The following ARHGEF4 variants were observed in gnomAD, a reference collection of about 807,000 sequenced individuals.
ARHGEF4 encodes APC-stimulated guanine nucleotide exchange factor 1.
ARHGEF4 carries 119 observed loss-of-function variants against 162.0 expected under a neutral mutation model. The observed-to-expected ratio is 0.73, with a 90% CI of 0.63 to 0.86. ARHGEF4 has a LOEUF of 0.86. Ranked by LOEUF, ARHGEF4 falls within the 40% of genes least tolerant of loss-of-function variation. The probability of loss-of-function intolerance (pLI) is 0.00; values close to 1 mark genes in which losing one functional copy is unlikely to be tolerated. For missense variants in ARHGEF4, 2,488 were observed against 2,456.0 expected (o/e 1.01, Z -0.28); for synonymous variants, 1,014 against 979.9 (o/e 1.03, Z -0.65).
At chr2:131,033,583 G>A (rs1690017204) in intron 5 of ARHGEF4, among the ~76,000 whole-genome samples, 1 of 152,190 alleles carries the variant, frequency 6.6e-6, no homozygotes, top group South Asian at 2.1e-4. Flanking sequence ...CACGTCAGGG[G>A]TTCGAAGCCA....
chr2:130,837,077 G>T (rs1680244784), intron 1 of ARHGEF4, 85 bp downstream of exon 1: 1 of 1,192,002 alleles, frequency 8.4e-7, no homozygotes, highest in Non-Finnish European at 1.0e-6. Context: ...TGGCTGCTGC[G>T]CCCCGGGCCG....
chr2:131,017,611 C>G (rs1688850963), intron 4 of ARHGEF4, among the ~76,000 whole-genome samples: 1 of 152,140 alleles, frequency 6.6e-6, no homozygotes, highest in African/African-American at 2.4e-5. Context: ...CTGTTTTATT[C>G]CCCTCGAGAG....
intron 2 of ARHGEF4, among the ~76,000 whole-genome samples, chr2:130,926,810 A>ATGTTTTTTT (rs1682319175): frequency 4.1e-5 from 2 of 48,948 alleles, no homozygotes; most frequent in Non-Finnish European, 7.3e-5. Context: ...CTTCTGGCTG[A>ATGTTTTTTT]TTTTTTTTTT....
At chr2:131,032,852 T>TTTC (rs1689953045) in intron 5 of ARHGEF4, among the ~76,000 whole-genome samples, 1 of 135,840 alleles carries the variant, frequency 7.4e-6, no homozygotes, top group African/African-American at 2.9e-5. Context: ...TTTTTTCTTT[T>TTTC]TTTTTTTTTT....
chr2:130,915,763 AG>A lies in ARHGEF4; in HGVS notation c.1821del (p.Pro608LeufsTer27), dbSNP rs765942248. Reference sequence around the variant, plus strand: ...GGCCCCGGGGCTGAGGAGGGTGAACAGGGGCCTGGGGGTGCCGGGGGCCGGC... The same window carrying A: ...GGCCCCGGGGCTGAGGAGGGTGAACAGGGCCTGGGGGTGCCGGGGGCCGGC... ...HCGPGAEEGE[Q>X]GPGGAGGRQL... On this transcript the variant is annotated frameshift_variant, in exon 2 of 14. Transcript: ENST00000409359. LOFTEE classifies it high-confidence loss of function. The A allele has an allele frequency of 6.5e-7, 1 of 1,537,834 alleles. No homozygotes were observed. The highest frequency in any genetic ancestry group is 1.2e-5 in the South Asian group (1 of 82,270).
chr2:130,994,504 T>C (rs867096983), intron 4 of ARHGEF4, among the ~76,000 whole-genome samples: 28 of 152,338 alleles, frequency 1.8e-4, no homozygotes, highest in Middle Eastern at 6.8e-3. Flanking sequence ...TCCTGACTTA[T>C]AGGCCATTGT....
intron 4 of ARHGEF4, among the ~76,000 whole-genome samples, chr2:131,019,260 A>G (rs1265984292): frequency 6.6e-6 from 1 of 151,960 alleles, no homozygotes; most frequent in Non-Finnish European, 1.5e-5. Flanking sequence ...TAAAAATACA[A>G]GATTATCTCG....
chr2:130,988,901 T>TAGAG lies in ARHGEF4; in HGVS notation c.3986-39012_3986-39009dup, dbSNP rs368452142. Among the ~76,000 whole-genome samples, 489 of 113,302 alleles carry TAGAG rather than the reference T, an allele frequency of 4.3e-3. 1 individual carries two copies. The highest frequency in any genetic ancestry group is 9.5e-3 in the African/African-American group (259 of 27,212). 74.3% of individuals were successfully genotyped at this position (113,302 alleles called of 152,430 possible). ...ATATATATATATATATATATATATA[T>TAGAG]AGAGAGAGAGAGAGAGAGAGAGAGA... On this transcript the variant is annotated intron_variant, in intron 4 of 13. Transcript: ENST00000409359.
chr2:130,902,332 A>G (rs192929991), intron 1 of ARHGEF4, among the ~76,000 whole-genome samples: 3 of 152,144 alleles, frequency 2.0e-5, no homozygotes, highest in African/African-American at 7.2e-5. Flanking sequence ...GTAAAAAGAA[A>G]GCCCAAAGCT....
At chr2:130,996,738 T>C (rs143838957) in intron 4 of ARHGEF4, among the ~76,000 whole-genome samples, 178 of 152,310 alleles carry the variant, frequency 1.2e-3, no homozygotes, top group Non-Finnish European at 2.0e-3. Flanking sequence ...TTTCAGAGTG[T>C]GCGCACCAGT....
intron 4 of ARHGEF4, among the ~76,000 whole-genome samples, chr2:130,955,937 A>G (rs1684242611): frequency 6.6e-6 from 1 of 152,146 alleles, no homozygotes; most frequent in Non-Finnish European, 1.5e-5. Flanking sequence ...TTACAAACTG[A>G]GCCCAGTTCC....
Position 131,019,885 on chromosome 2 carries a change from C to T in ARHGEF4, c.3986-8060C>T, listed in dbSNP as rs369476410. Among the ~76,000 whole-genome samples, 57 of 152,242 alleles carry T rather than the reference C, an allele frequency of 3.7e-4. No individual in the cohort carries two copies. In the East Asian group the frequency reaches 5.6e-3, roughly 15 times the overall value. ...TCCTGACCTCGTGATCCGCCCGCCT[C>T]GGCCTCCCAAAGTGCTGGGATTACA... On this transcript the variant is annotated intron_variant, in intron 4 of 13. Coordinates refer to ENST00000409359, the MANE Select transcript of ARHGEF4 (RefSeq NM_001367493.1).
chr2:130,915,571 G>C lies in ARHGEF4; in HGVS notation c.1625G>C (p.Gly542Ala), dbSNP rs567572333. ...GTQVWSGDLM[G>A]CLEVSDSSDA... ...CAGGTGTGGAGTGGAGACTTGATGGGCTGCTTGGAAGTGAGTGACAGTTCA... is the reference window on the plus strand; with the variant it reads ...CAGGTGTGGAGTGGAGACTTGATGGCCTGCTTGGAAGTGAGTGACAGTTCA... Residue 542 changes from glycine to alanine, a missense_variant, in exon 2 of 14, where the codon GGC becomes GCC. Around this residue, in one of 6 missense-constraint regions of ARHGEF4, gnomAD observed 1,642 missense variants for 1,481.5 expected, o/e 1.11. Transcript: ENST00000409359. 1 of 1,550,578 alleles carries C rather than the reference G, an allele frequency of 6.4e-7. No homozygotes were observed. Among genetic ancestry groups the C allele is most frequent in the Non-Finnish European group, 8.7e-7 (1 of 1,146,994 alleles).
At chr2:130,899,227 TG>T (rs1433257437) in intron 1 of ARHGEF4, among the ~76,000 whole-genome samples, 1 of 152,212 alleles carries the variant, frequency 6.6e-6, no homozygotes, top group Non-Finnish European at 1.5e-5. Context: ...AACATATTCA[TG>T]GGCATGATAC....
chr2:130,963,309 C>T (rs1441798567), intron 4 of ARHGEF4, among the ~76,000 whole-genome samples: 4 of 152,140 alleles, frequency 2.6e-5, no homozygotes, highest in Non-Finnish European at 5.9e-5. Context: ...TGGCTGAGCG[C>T]AGATGAGGGT....
chr2:130,890,138 A>C (rs1246971476), intron 1 of ARHGEF4, among the ~76,000 whole-genome samples: 1 of 152,190 alleles, frequency 6.6e-6, no homozygotes, highest in Non-Finnish European at 1.5e-5. Context: ...TTCTTTACAA[A>C]ATTGTCAGCC....
At chr2:131,029,699 G>A (rs578159556) in intron 5 of ARHGEF4, among the ~76,000 whole-genome samples, 35 of 151,922 alleles carry the variant, frequency 2.3e-4, no homozygotes, top group Admixed American at 3.9e-4. Context: ...GATTACAGGC[G>A]CCCGCCACCA....
chr2:130,971,489 C>A (rs1685365251), intron 4 of ARHGEF4, among the ~76,000 whole-genome samples: 1 of 151,996 alleles, frequency 6.6e-6, no homozygotes, highest in African/African-American at 2.4e-5. Context: ...GAAACCCCGT[C>A]TCTACTAAAA....
In ARHGEF4 at chr2:130,916,070, C is replaced by T; in HGVS notation, c.2124C>T (p.Ala708=). The T allele has an allele frequency of 6.5e-7, 1 of 1,550,252 alleles. No individual in the cohort carries two copies. The highest frequency in any genetic ancestry group is 8.7e-7 in the Non-Finnish European group (1 of 1,146,906). ...GCGATGGGGCTCTTCAGCGGGTGGC[C>T]CAGGCCGCAGAGCTTGGGAGAGTGC... is the stretch of plus-strand genomic sequence containing the variant. The part of the protein sequence containing the change: ...GAGDGALQRV[A]QAAELGRVLV... The change falls in exon 2 of 14, where the codon GCC becomes GCT. Residue 708 remains alanine, a synonymous_variant. Transcript: ENST00000409359.
Sources: gnomAD v4.1 joint callset for allele counts (sites outside exome capture counted in the v4.1 genomes callset) on GRCh38, gnomAD v4.1.1 for gene constraint, gnomAD v4.1.1 regional missense constraint, MANE v1.5 for transcripts, NCBI Gene and HGNC (gene_info 2026-07-23, HGNC 2026-07-21) for gene names.